PIWIL4: variants seen among roughly 807,000 people sequenced by gnomAD.
The protein encoded by PIWIL4 is piwi like RNA-mediated gene silencing 4.
A neutral mutation model predicts 100.9 loss-of-function variants in PIWIL4; 50 were observed. The ratio of observed to expected loss-of-function variants is 0.50; its 90% confidence interval spans 0.39 to 0.63. The LOEUF (loss-of-function observed/expected upper bound fraction) is 0.63. Ranked by LOEUF, PIWIL4 falls within the 20% of genes least tolerant of loss-of-function variation. PIWIL4 has a pLI of 0.00. For synonymous variants in PIWIL4, 342 were observed against 367.5 expected (o/e 0.93, Z 0.79); for missense variants, 887 against 1,043.3 (o/e 0.85, Z 2.06).
In PIWIL4 at chr11:94,593,510, T is replaced by C. The variant is rs775601221; in HGVS notation, c.1027-8T>C. The stretch of plus-strand genomic sequence containing the variant: ...TAACTTTTTACTTATTAATCTTGCA[T>C]TTTATAGCAGTATGATATTACTGTA... On this transcript the variant is annotated splice_polypyrimidine_tract_variant and splice_region_variant and intron_variant, in intron 8 of 19. Coordinates refer to ENST00000299001, the MANE Select transcript of PIWIL4 (RefSeq NM_152431.3). 6.2e-7 allele frequency: 1 copy of C among 1,611,856 alleles called. No individual in the cohort carries two copies.
chr11:94,575,261 A>G (rs1337122100), intron 3 of PIWIL4, 131 bp downstream of exon 3: 2 of 939,048 alleles, frequency 2.1e-6, no homozygotes, highest in East Asian at 2.6e-5. Flanking sequence ...TTCTATGTTC[A>G]AGGCACTGTT....
At chr11:94,604,108 T>G in intron 13 of PIWIL4, 52 bp downstream of exon 13, 1 of 1,226,486 alleles carries the variant, frequency 8.2e-7, no homozygotes, top group Non-Finnish European at 1.2e-6. Context: ...TTAGTTCTGC[T>G]TTATATCTAC....
intron 15 of PIWIL4, among the ~76,000 whole-genome samples, chr11:94,610,164 T>C (rs574056432): frequency 6.6e-6 from 1 of 152,194 alleles, no homozygotes; most frequent in South Asian, 2.1e-4. Flanking sequence ...TAATATAATG[T>C]CCGTGGGTTC....
intron 8 of PIWIL4, 55 bp downstream of exon 8, chr11:94,589,287 T>C (rs570839026): frequency 6.9e-7 from 1 of 1,443,338 alleles, no homozygotes; most frequent in Admixed American, 1.7e-5. Flanking sequence ...CAGAGAAGTC[T>C]CCTTATTCCA....
At chr11:94,582,430 C>T (rs1565272300) in intron 4 of PIWIL4, among the ~76,000 whole-genome samples, 1 of 152,094 alleles carries the variant, frequency 6.6e-6, no homozygotes, top group Non-Finnish European at 1.5e-5. Flanking sequence ...TCTTTGTTTC[C>T]ATGCAGTGAC....
In PIWIL4 at chr11:94,607,669, G is replaced by A. The variant is rs746582448; in HGVS notation, c.1839+30G>A. 6 of 1,570,212 alleles carry A rather than the reference G, an allele frequency of 3.8e-6. No homozygotes were observed. In the East Asian group the frequency reaches 1.1e-4, roughly 30 times the overall value. ...GGACCCTGTCACATTTTTTCTATTA[G>A]TAATTAATAAATTTATTTTAAAGAT... On this transcript the variant is annotated intron_variant, in intron 14 of 19. Transcript: ENST00000299001.
At chr11:94,600,012 A>G (rs1408119907) in intron 11 of PIWIL4, among the ~76,000 whole-genome samples, 1 of 152,188 alleles carries the variant, frequency 6.6e-6, no homozygotes, top group African/African-American at 2.4e-5. Context: ...GCAGGAGATT[A>G]GCATACAATG....
At chr11:94,583,025 G>GGT (rs940150796) in intron 4 of PIWIL4, among the ~76,000 whole-genome samples, 5 of 129,296 alleles carry the variant, frequency 3.9e-5, no homozygotes, top group Admixed American at 8.5e-5. Flanking sequence ...ACACTGTTGT[G>GGT]GTGTGTGTAT....
chr11:94,598,603 C>A (rs1219542226), intron 11 of PIWIL4, among the ~76,000 whole-genome samples: 1 of 151,920 alleles, frequency 6.6e-6, no homozygotes, highest in African/African-American at 2.4e-5. Context: ...TGTTTAAAGG[C>A]TCTCTTCTTG....
At chr11:94,617,541 T>G (rs946904268) in intron 16 of PIWIL4, among the ~76,000 whole-genome samples, 1 of 152,178 alleles carries the variant, frequency 6.6e-6, no homozygotes, top group African/African-American at 2.4e-5. Context: ...AGCCATTTCC[T>G]TAGATTTTCA....
At chr11:94,569,557 T>C (rs1478413592) in intron 2 of PIWIL4, among the ~76,000 whole-genome samples, 3 of 152,190 alleles carry the variant, frequency 2.0e-5, no homozygotes, top group African/African-American at 7.2e-5. Flanking sequence ...TTTGTATTTT[T>C]AGTAGAGACA....
chr11:94,607,405 A>G, intron 13 of PIWIL4, 34 bp from the exon 14 acceptor site: 1 of 1,574,016 alleles, frequency 6.4e-7, no homozygotes, highest in Non-Finnish European at 8.7e-7. Context: ...GAAGTAAATT[A>G]ACTTCCAAAA....
chr11:94,585,894 G>A (rs899062742), intron 6 of PIWIL4, among the ~76,000 whole-genome samples: 2 of 152,180 alleles, frequency 1.3e-5, no homozygotes, highest in African/African-American at 2.4e-5. Context: ...AGAAAGAGAA[G>A]CCAACCAAAT....
intron 19 of PIWIL4, 93 bp from the exon 20 acceptor site, chr11:94,620,783 T>G (rs567199638): frequency 3.4e-6 from 3 of 883,110 alleles, no homozygotes; most frequent in East Asian, 5.1e-5. Context: ...CATTCTATTA[T>G]CTGTGTAACC....
At chr11:94,605,432 A>C (rs1004672827) in intron 13 of PIWIL4, among the ~76,000 whole-genome samples, 1 of 152,236 alleles carries the variant, frequency 6.6e-6, no homozygotes, top group Non-Finnish European at 1.5e-5. Flanking sequence ...GTAGCACAGC[A>C]ATGATCCTAT....
rs753832490 is a variant in PIWIL4 at position 94,587,127 on chromosome 11, A to G, written c.794A>G (p.Tyr265Cys). Residue 265 changes from tyrosine (Y) to cysteine (C), a missense_variant, in exon 7 of 20, where the codon TAC becomes TGC. Around this residue, in one of 2 missense-constraint regions of PIWIL4, gnomAD observed 741 missense variants for 930.0 expected, o/e 0.80. Transcript: ENST00000299001. ...RKLLFSADVSYKVLRNETVLE... is the reference protein window; with the variant it reads ...RKLLFSADVSCKVLRNETVLE... Reference sequence around the variant, plus strand: ...CTCCTGTTTAGTGCTGATGTGAGTTACAAAGTCCTCCGGAATGAGACGGTT... The same window carrying G: ...CTCCTGTTTAGTGCTGATGTGAGTTGCAAAGTCCTCCGGAATGAGACGGTT... The G allele has an allele frequency of 8.7e-6, 14 of 1,613,954 alleles. No individual in the cohort carries two copies. Among genetic ancestry groups the G allele is most frequent in the Admixed American group, 6.7e-5 (4 of 60,000 alleles).
chr11:94,594,716 G>C (rs1048280041), intron 9 of PIWIL4, among the ~76,000 whole-genome samples: 31 of 152,110 alleles, frequency 2.0e-4, no homozygotes, highest in Admixed American at 1.8e-3. Context: ...ATTTTTAGTA[G>C]AGACGGGGTT....
intron 17 of PIWIL4, among the ~76,000 whole-genome samples, chr11:94,618,496 G>A (rs1361293020): frequency 6.6e-6 from 1 of 152,164 alleles, no homozygotes; most frequent in East Asian, 1.9e-4. Flanking sequence ...CAGAACCAAA[G>A]CCTCTGAGTT....
chr11:94,573,141 G>C (rs1234886428), intron 2 of PIWIL4, among the ~76,000 whole-genome samples: 2 of 152,058 alleles, frequency 1.3e-5, no homozygotes, highest in Admixed American at 1.3e-4. Context: ...TTGATTTTGT[G>C]GCCTGAGACT....
Sources: allele counts gnomAD v4.1 joint callset (sites outside exome capture counted in the v4.1 genomes callset), GRCh38; gene constraint gnomAD v4.1.1; regional missense constraint gnomAD v4.1.1; transcripts MANE v1.5; gene names NCBI Gene and HGNC (gene_info 2026-07-23, HGNC 2026-07-21).